Variants in RIOX2 observed in about 807,000 individuals in gnomAD.
RIOX2 encodes the protein 60S ribosomal protein L27a histidine hydroxylase.
Under a neutral mutation model 51.2 loss-of-function variants are expected in RIOX2, and 43 were observed. That is an observed-to-expected ratio of 0.84 (90% CI 0.66 to 1.08). The LOEUF (loss-of-function observed/expected upper bound fraction) is 1.08. Ranked by LOEUF, RIOX2 falls within the 50% of genes least tolerant of loss-of-function variation. The pLI, the probability that RIOX2 is intolerant of heterozygous loss-of-function variation, is 0.00. For synonymous variants in RIOX2, 226 were observed against 218.5 expected, an observed-to-expected ratio of 1.03 and a Z score of -0.30; for missense variants, 566 against 561.7, an observed-to-expected ratio of 1.01 and a Z score of -0.08.
chr3:97,961,750 T>A, intron 2 of RIOX2, 42 bp from the exon 3 acceptor site: 2 of 1,539,304 alleles, frequency 1.3e-6, no homozygotes, highest in South Asian at 2.5e-5. Context: ...CGTGGGGGAG[T>A]GAAAAATGTA....
In RIOX2 at chr3:97,943,382, T is replaced by C. The variant is rs556723470; in HGVS notation, c.*1802A>G. Reference sequence around the variant, plus strand: ...AGGAAACACATCTGTCATTGTCTTGTGGACGTGGAAAGGAAGCTACTGTCC... The same window carrying C: ...AGGAAACACATCTGTCATTGTCTTGCGGACGTGGAAAGGAAGCTACTGTCC... On this transcript the variant is annotated 3_prime_UTR_variant, in exon 10 of 10. Transcript: ENST00000394198. The C allele has an allele frequency of 1.1e-6, 1 of 918,630 alleles. No individual in the cohort carries two copies. Among genetic ancestry groups the C allele is most frequent in the Admixed American group, 2.1e-5 (1 of 47,510 alleles). The allele number at this position is 918,630 out of a possible 1,614,324, so 56.9% of individuals were successfully genotyped here. A position where few individuals can be genotyped will look rare whatever the true frequency, so the allele number is the denominator to read the frequency against.
At chr3:97,953,637 C>A (rs1453439570) in intron 5 of RIOX2, among the ~76,000 whole-genome samples, 1 of 152,172 alleles carries the variant, frequency 6.6e-6, no homozygotes. Context: ...CCCGCCTCAG[C>A]CTCCCAAAGT....
At chr3:97,952,914 G>A (rs1705302788) in intron 5 of RIOX2, among the ~76,000 whole-genome samples, 2 of 152,114 alleles carry the variant, frequency 1.3e-5, no homozygotes, top group South Asian at 2.1e-4. Flanking sequence ...GGGAAAGATA[G>A]CACTAAACTA....
chr3:97,954,543 C>T, intron 4 of RIOX2, 48 bp from the exon 5 acceptor site: 2 of 1,457,676 alleles, frequency 1.4e-6, no homozygotes, highest in Non-Finnish European at 1.9e-6. Context: ...AGTATTCCTT[C>T]TCAGTCCTCT....
chr3:97,947,909 A>G (rs144346646), intron 7 of RIOX2, among the ~76,000 whole-genome samples: 18 of 152,324 alleles, frequency 1.2e-4, no homozygotes, highest in African/African-American at 4.1e-4. Context: ...AGTCTATGTA[A>G]GTCAAGAATA....
chr3:97,959,311 T>G lies in RIOX2; in HGVS notation c.553-132A>C, dbSNP rs1309390110. ...GTGAACCTTGAACAACACAGGTTTT[T>G]TTTTTTTTTTTTTTTTTTTAGTTGT... On this transcript the variant is annotated intron_variant, in intron 3 of 9. Transcript: ENST00000394198. The G allele has an allele frequency of 1.8e-5, 14 of 776,634 alleles. No individual in the cohort carries two copies. The African/African-American group carries it at 2.6e-4, about 14-fold the overall frequency. The allele number at this position is 776,634 out of a possible 1,614,324, so 48.1% of individuals were successfully genotyped here.
Position 97,943,176 on chromosome 3 carries a change from T to G in RIOX2, c.*2008A>C. 9.6e-7 allele frequency: 1 copy of G among 1,038,584 alleles called. No homozygotes were observed. The highest frequency in any genetic ancestry group is 1.5e-6 in the Non-Finnish European group (1 of 680,660). The allele number at this position is 1,038,584 out of a possible 1,614,324, so 64.3% of individuals were successfully genotyped here. A position where few individuals can be genotyped will look rare whatever the true frequency, so the allele number is the denominator to read the frequency against. On this transcript the variant is annotated 3_prime_UTR_variant, in exon 10 of 10. Transcript: ENST00000394198. ...AAGCTTGTGAAAATTGTGAAATTGC[T>G]AAGCACCTGCCTGAACAAATAATCT...
Position 97,943,046 on chromosome 3 carries a change from G to T in RIOX2, c.*2138C>A, listed in dbSNP as rs980343923. On this transcript the variant is annotated 3_prime_UTR_variant, in exon 10 of 10. Transcript: ENST00000394198. ...GTATTTCAATTTGAGTCATAATAAG[G>T]TCCAATTTGAGGTGAATAATGGCTA... is the stretch of plus-strand genomic sequence containing the variant. The T allele has an allele frequency of 1.8e-6, 1 of 566,284 alleles. No individual in the cohort carries two copies. The highest frequency in any genetic ancestry group is 3.1e-6 in the Non-Finnish European group (1 of 322,566). 35.1% of individuals were successfully genotyped at this position (566,284 alleles called of 1,614,324 possible).
At position 97,942,636 on chromosome 3, in the gene RIOX2, G is replaced by A. The variant is rs375216920; in HGVS notation, c.*2548C>T. ...AGAAAAAGCCAAACAACAAAGCTTA[G>A]GGTTTTTGTTCATTAGTACAGTTGT... is the stretch of plus-strand genomic sequence containing the variant. On this transcript the variant is annotated 3_prime_UTR_variant, in exon 10 of 10. Transcript: ENST00000394198. 3 of 522,230 alleles carry A rather than the reference G, an allele frequency of 5.7e-6. No homozygotes were observed. The highest frequency in any genetic ancestry group is 7.1e-5 in the Admixed American group (2 of 28,232). The allele number at this position is 522,230 out of a possible 1,614,324, so 32.3% of individuals were successfully genotyped here.
Position 97,945,832 on chromosome 3 carries a change from T to G in RIOX2, c.1205A>C (p.Glu402Ala), listed in dbSNP as rs1200382076. 40 of 1,611,082 alleles carry G rather than the reference T, an allele frequency of 2.5e-5. No homozygotes were observed. The highest frequency in any genetic ancestry group is 3.4e-5 in the Non-Finnish European group (40 of 1,177,848). Residue 402 changes from glutamate (E) to alanine (A), a missense_variant, in exon 9 of 10, where the codon GAG (glutamate) becomes GCG (alanine). By Grantham distance (107) the Glu-to-Ala change is moderately radical. Transcript: ENST00000394198. ...YIYHSLKNSRETHMMGNEEET... is the reference protein window; with the variant it reads ...YIYHSLKNSRATHMMGNEEET... Reference sequence around the variant, plus strand: ...CTCCTCATTTCCCATCATGTGTGTCTCTCTACTATTCTTTAAGGAATGATA... The same window carrying G: ...CTCCTCATTTCCCATCATGTGTGTCGCTCTACTATTCTTTAAGGAATGATA...
Position 97,947,386 on chromosome 3 carries a change from G to A in RIOX2, c.1124C>T (p.Thr375Ile), listed in dbSNP as rs1408023588. The A allele has an allele frequency of 1.2e-6, 2 of 1,613,340 alleles. No homozygotes were observed. Among genetic ancestry groups the A allele is most frequent in the South Asian group, 2.2e-5 (2 of 91,056 alleles). ...RLQFKDHIVLTVLPDQDQSDE... is the reference protein window; with the variant it reads ...RLQFKDHIVLIVLPDQDQSDE... ...AGATTGATCTTGATCCGGCAGTACT[G>A]TGAGGACAATGTGGTCTTTAAACTG... The change falls in exon 8 of 10, where the codon ACA (threonine) becomes ATA (isoleucine). Residue 375 changes from threonine to isoleucine, a missense_variant. Transcript: ENST00000394198.
intron 3 of RIOX2, among the ~76,000 whole-genome samples, chr3:97,961,335 AC>A (rs1705664186): frequency 6.6e-6 from 1 of 152,242 alleles, no homozygotes; most frequent in Non-Finnish European, 1.5e-5. Context: ...CTTGTTTCAG[AC>A]GAATGTGTGG....
intron 3 of RIOX2, 41 bp downstream of exon 3, chr3:97,961,548 C>G: frequency 1.9e-6 from 3 of 1,565,032 alleles, no homozygotes; most frequent in Non-Finnish European, 2.6e-6. Flanking sequence ...CTCTCAACAA[C>G]TCATTCTTCC....
chr3:97,959,326 T>C (rs2107172990), intron 3 of RIOX2, 147 bp from the exon 4 acceptor site: 1 of 811,414 alleles, frequency 1.2e-6, no homozygotes, highest in South Asian at 2.6e-5. Context: ...TTTTTTTTTT[T>C]TTTTAGTTGT....
chr3:97,957,493 C>CT (rs1426116430), intron 4 of RIOX2, among the ~76,000 whole-genome samples: 2 of 34,338 alleles, frequency 5.8e-5, no homozygotes, highest in Non-Finnish European at 1.4e-4. Flanking sequence ...GAGACTCTGT[C>CT]TTAAAAAAAA....
In RIOX2 at chr3:97,943,611, A is replaced by T; in HGVS notation, c.*1573T>A. 1 of 323,078 alleles carries T rather than the reference A, an allele frequency of 3.1e-6. No individual in the cohort carries two copies. The highest frequency in any genetic ancestry group is 5.6e-6 in the Non-Finnish European group (1 of 178,472). The allele number at this position is 323,078 out of a possible 1,614,324, so 20.0% of individuals were successfully genotyped here. ...GAAGTGTTTATTTTCTCTCATATCCACCAAACGTGAATCCTGTTCCTGATG... is the reference window on the plus strand; with the variant it reads ...GAAGTGTTTATTTTCTCTCATATCCTCCAAACGTGAATCCTGTTCCTGATG... On this transcript the variant is annotated 3_prime_UTR_variant, in exon 10 of 10. Transcript: ENST00000394198.
At chr3:97,961,512 C>T (rs41272337) in intron 3 of RIOX2, 77 bp downstream of exon 3, 32,410 of 1,473,400 alleles carry the variant, frequency 0.022, 431 homozygotes, top group Non-Finnish European at 0.025. Context: ...AATGTGAACT[C>T]ACCCTGACAA....
In RIOX2 at chr3:97,954,404, G is replaced by A; in HGVS notation, c.773C>T (p.Thr258Ile). The change falls in exon 5 of 10, where the codon ACC (threonine) becomes ATC (isoleucine). Residue 258 changes from threonine to isoleucine, a missense_variant. Transcript: ENST00000394198. Reference sequence around the variant, plus strand: ...AGGCAGTGTTTACTTGTTCTGGTAGGTGCTGATGGTCACGTGAGTAGAGTG... The same window carrying A: ...AGGCAGTGTTTACTTGTTCTGGTAGATGCTGATGGTCACGTGAGTAGAGTG... Reference protein sequence around the residue: ...LAHSTHVTISTYQNNSWGDFL... With the variant: ...LAHSTHVTISIYQNNSWGDFL... 6.2e-7 allele frequency: 1 copy of A among 1,612,918 alleles called. No homozygotes were observed.
intron 3 of RIOX2, 127 bp from the exon 4 acceptor site, chr3:97,959,306 GT>G (rs67345115): frequency 0.097 from 22,773 of 235,490 alleles, 86 homozygotes; most frequent in Middle Eastern, 0.12. Flanking sequence ...AACAACACAG[GT>G]TTTTTTTTTT....
Sources: gnomAD v4.1 joint callset for allele counts (sites outside exome capture counted in the v4.1 genomes callset) on GRCh38, gnomAD v4.1.1 for gene constraint, MANE v1.5 for transcripts, NCBI Gene and HGNC (gene_info 2026-07-23, HGNC 2026-07-21) for gene names.